STAT4: variants seen among roughly 807,000 people sequenced by gnomAD.
STAT4 encodes the protein signal transducer and activator of transcription 4.
In STAT4, 42 loss-of-function variants were observed where a neutral mutation model predicts 110.5. The ratio of observed to expected loss-of-function variants is 0.38; its 90% CI spans 0.30 to 0.49. The LOEUF is 0.49. Ranked by LOEUF, STAT4 falls within the 20% of genes least tolerant of loss-of-function variation. The pLI is 0.95. For synonymous variants in STAT4, 284 were observed against 302.2 expected (o/e 0.94, Z 0.63); for missense variants, 632 against 887.9 (o/e 0.71, Z 3.66).
At chr2:191,124,588 A>G (rs1156931400) in intron 3 of STAT4, among the ~76,000 whole-genome samples, 3 of 152,172 alleles carry the variant, frequency 2.0e-5, no homozygotes, top group African/African-American at 4.8e-5. Context: ...ATGTAGACAC[A>G]TTAGTTCCAG....
intron 3 of STAT4, among the ~76,000 whole-genome samples, chr2:191,130,474 G>A (rs112664568): frequency 6.6e-5 from 10 of 151,594 alleles, no homozygotes; most frequent in African/African-American, 1.9e-4. Flanking sequence ...CGCCCGCCTC[G>A]GCCTCCCAAA....
chr2:191,148,740 C>T (rs1244892410), intron 1 of STAT4, among the ~76,000 whole-genome samples: 2 of 152,006 alleles, frequency 1.3e-5, no homozygotes, highest in African/African-American at 4.8e-5. Flanking sequence ...GACTTCTAGT[C>T]CAATTTTGTC....
At position 191,031,292 on chromosome 2, in the gene STAT4, G is replaced by T. The variant is rs1301664034; in HGVS notation, c.2111+158C>A. 3 of 908,038 alleles carry T rather than the reference G, an allele frequency of 3.3e-6. No homozygotes were observed. The highest frequency in any genetic ancestry group is 1.7e-5 in the African/African-American group (1 of 59,216). The allele number at this position is 908,038 out of a possible 1,614,324, so 56.2% of individuals were successfully genotyped here. ...ATAATTTTAGGCACAATAGATTGTG[G>T]TAAGTGTGCCCTGAAGGCTAGCCTT... On this transcript the variant is annotated intron_variant, in intron 22 of 23. Transcript: ENST00000392320. This position sits in a 1 kb window ranked among gnomAD's most constrained non-coding sequence, Gnocchi z 4.8.
intron 3 of STAT4, among the ~76,000 whole-genome samples, chr2:191,136,537 A>G (rs1335099774): frequency 6.6e-6 from 1 of 152,220 alleles, no homozygotes; most frequent in East Asian, 1.9e-4. Context: ...AGATCATTTG[A>G]GGTCAGGAGT....
chr2:191,114,146 C>T (rs567283146), intron 3 of STAT4, among the ~76,000 whole-genome samples: 7 of 152,248 alleles, frequency 4.6e-5, no homozygotes, highest in South Asian at 4.1e-4. Context: ...TTTCAGTGAA[C>T]GTAATGAAAA....
intron 4 of STAT4, among the ~76,000 whole-genome samples, chr2:191,073,770 C>T (rs148304190): frequency 5.1e-4 from 77 of 152,224 alleles, no homozygotes; most frequent in Non-Finnish European, 9.4e-4. Flanking sequence ...AACATATATG[C>T]GCATGTATGT....
chr2:191,071,020 T>C (rs994793467), intron 5 of STAT4, among the ~76,000 whole-genome samples: 5 of 152,174 alleles, frequency 3.3e-5, no homozygotes, highest in African/African-American at 4.8e-5. Context: ...TTAATGACAT[T>C]CTCCATACTT....
In STAT4 at chr2:191,133,896, T is replaced by C. The variant is rs374285288; in HGVS notation, c.273+12717A>G. ...GAATAAACAAACTAGGGTACATCTG[T>C]ACAAAAGAATATTATTCAGCAGCAA... is the stretch of plus-strand genomic sequence containing the variant. On this transcript the variant is annotated intron_variant, in intron 3 of 23. Transcript: ENST00000392320. Among the ~76,000 whole-genome samples the C allele has an allele frequency of 2.0e-4, 29 of 148,310 alleles. No individual in the cohort carries two copies. The East Asian group carries it at 5.2e-3, about 27-fold the overall frequency.
Position 191,052,480 on chromosome 2 carries a change from A to G in STAT4, c.1251+2010T>C, listed in dbSNP as rs16833219. ...TCAGAAAATAAGAGGAAATAAATTGAAGGCAATATAAGTAGACAGTGTTAA... is the reference window on the plus strand; with the variant it reads ...TCAGAAAATAAGAGGAAATAAATTGGAGGCAATATAAGTAGACAGTGTTAA... On this transcript the variant is annotated intron_variant, in intron 14 of 23. Transcript: ENST00000392320. 8.5e-3 allele frequency among the ~76,000 whole-genome samples: 1,301 copies of G among 152,342 alleles called. 8 individuals are homozygous for G. The highest frequency in any genetic ancestry group is 0.027 in the East Asian group (142 of 5,190).
chr2:191,127,315 C>T (rs1045505716), intron 3 of STAT4, among the ~76,000 whole-genome samples: 17 of 152,084 alleles, frequency 1.1e-4, no homozygotes, highest in African/African-American at 3.6e-4. Flanking sequence ...TAAAGTGCCT[C>T]GCTTGTTTGT....
rs745960008 is a variant in STAT4 at position 191,065,098 on chromosome 2, T to C, written c.631-140A>G. ...TATTTTACTAAATGCTAGCTTCTAT[T>C]TGCCAGGCCTTTTCAAACAATTAAA... On this transcript the variant is annotated intron_variant, in intron 7 of 23. Coordinates refer to ENST00000392320, the MANE Select transcript of STAT4 (RefSeq NM_003151.4). 145 of 841,178 alleles carry C rather than the reference T, an allele frequency of 1.7e-4. 5 individuals are homozygous for C. In the South Asian group the frequency reaches 3.2e-3, roughly 18 times the overall value. 52.1% of individuals were successfully genotyped at this position (841,178 alleles called of 1,614,324 possible).
chr2:191,031,408 G>T lies in STAT4; in HGVS notation c.2111+42C>A. 6.3e-7 allele frequency: 1 copy of T among 1,586,408 alleles called. No individual in the cohort carries two copies. The highest frequency in any genetic ancestry group is 8.6e-7 in the Non-Finnish European group (1 of 1,161,368). Reference sequence around the variant, plus strand: ...CTACCTTTAAATCTCCTATAGGAAAGCTTTTTATAAAAATATTTCACATGT... The same window carrying T: ...CTACCTTTAAATCTCCTATAGGAAATCTTTTTATAAAAATATTTCACATGT... On this transcript the variant is annotated intron_variant, in intron 22 of 23. Transcript: ENST00000392320. The surrounding 1 kb of genome is among the most constrained non-coding windows in gnomAD (Gnocchi z 4.8).
rs1451506565 is a variant in STAT4 at position 191,133,946 on chromosome 2, C to A, written c.273+12667G>T. 2.0e-5 allele frequency among the ~76,000 whole-genome samples: 3 copies of A among 152,202 alleles called. No homozygotes were observed. The East Asian group carries it at 5.8e-4, about 29-fold the overall frequency. ...AAAAGAAATGAGCTATTAAGCCATG[C>A]AAAGACACAAAGGAACCTTAAAAAC... On this transcript the variant is annotated intron_variant, in intron 3 of 23. Coordinates refer to ENST00000392320, the MANE Select transcript of STAT4 (RefSeq NM_003151.4).
chr2:191,094,590 G>T (rs904957974), intron 3 of STAT4, among the ~76,000 whole-genome samples: 8 of 152,116 alleles, frequency 5.3e-5, no homozygotes, highest in African/African-American at 1.7e-4. Flanking sequence ...CCTGAAGGAA[G>T]CACTAAAAAT....
chr2:191,151,197 T>C, upstream of STAT4: 1 of 985,654 alleles, frequency 1.0e-6, no homozygotes, highest in South Asian at 4.7e-5. This position sits in a 1 kb window ranked among gnomAD's most constrained non-coding sequence, Gnocchi z 4.7. Context: ...CCGGGCGTCC[T>C]CTTCCCTCTT....
At position 191,143,867 on chromosome 2, in the gene STAT4, A is replaced by G. The variant is rs1362559216; in HGVS notation, c.273+2746T>C. On this transcript the variant is annotated intron_variant, in intron 3 of 23. Transcript: ENST00000392320. The surrounding 1 kb of genome is among the most constrained non-coding windows in gnomAD (Gnocchi z 5.6). ...GACTCATCATACCACCCTTCCCCGC[A>G]AAAAACACACACAACTTAATGGGAT... Among the ~76,000 whole-genome samples, 1 of 147,560 alleles carries G rather than the reference A, an allele frequency of 6.8e-6. No individual in the cohort carries two copies. Among genetic ancestry groups the G allele is most frequent in the Admixed American group, 6.6e-5 (1 of 15,098 alleles).
In STAT4 at chr2:191,117,158, G is replaced by C. The variant is rs895023394; in HGVS notation, c.273+29455C>G. Reference sequence around the variant, plus strand: ...GGCAATGTTGAGAACACTGAGTGTGGGGTATTCTTTCCCAAACTTGTCTGA... The same window carrying C: ...GGCAATGTTGAGAACACTGAGTGTGCGGTATTCTTTCCCAAACTTGTCTGA... On this transcript the variant is annotated intron_variant, in intron 3 of 23. Coordinates refer to ENST00000392320, the MANE Select transcript of STAT4 (RefSeq NM_003151.4). This position sits in a 1 kb window ranked among gnomAD's most constrained non-coding sequence, Gnocchi z 5.2. Among the ~76,000 whole-genome samples, 2 of 152,116 alleles carry C rather than the reference G, an allele frequency of 1.3e-5. No individual in the cohort carries two copies. Among genetic ancestry groups the C allele is most frequent in the African/African-American group, 4.8e-5 (2 of 41,428 alleles).
intron 5 of STAT4, among the ~76,000 whole-genome samples, chr2:191,070,996 G>A (rs1003057102): frequency 6.6e-6 from 1 of 152,078 alleles, no homozygotes; most frequent in African/African-American, 2.4e-5. Context: ...TCTAATCCCT[G>A]TTATCTCATT....
chr2:191,103,297 T>C (rs1180084349), intron 3 of STAT4, among the ~76,000 whole-genome samples: 4 of 152,170 alleles, frequency 2.6e-5, no homozygotes, highest in Admixed American at 6.5e-5. Context: ...CTTCCTGACT[T>C]AGTTTTACTT....
Sources: gnomAD v4.1 joint callset for allele counts (sites outside exome capture counted in the v4.1 genomes callset) on GRCh38, gnomAD v4.1.1 for gene constraint, Gnocchi (gnomAD v3.1) non-coding constraint, MANE v1.5 for transcripts, NCBI Gene and HGNC (gene_info 2026-07-23, HGNC 2026-07-21) for gene names.